ARHGEF17: variants seen among roughly 807,000 people sequenced by gnomAD.
The protein encoded by ARHGEF17 is Rho guanine nucleotide exchange factor 17.
ARHGEF17 carries 80 observed loss-of-function variants against 174.0 expected under a neutral mutation model. The ratio of observed to expected loss-of-function variants is 0.46; its 90% confidence interval spans 0.38 to 0.55. ARHGEF17 has a LOEUF of 0.55. Among genes scored for constraint, ARHGEF17 ranks in the 20% least tolerant of loss-of-function variants. ARHGEF17 has a pLI of 0.00. For synonymous variants in ARHGEF17, 1,311 were observed against 1,189.1 expected, an observed-to-expected ratio of 1.10 and a Z score of -2.11; for missense variants, 2,886 against 2,839.7, an observed-to-expected ratio of 1.02 and a Z score of -0.37.
Position 73,362,427 on chromosome 11 carries a change from T to G in ARHGEF17, c.4695-6T>G. On this transcript the variant is annotated splice_region_variant and splice_polypyrimidine_tract_variant and intron_variant, in intron 13 of 20. Transcript: ENST00000263674. ...CTGCTGTCATCCTCACTCCGTCTTC[T>G]CGCAGGGAGCCTCCTCCGTCGCTGA... 1 of 1,543,906 alleles carries G rather than the reference T, an allele frequency of 6.5e-7. No individual in the cohort carries two copies. The highest frequency in any genetic ancestry group is 1.4e-5 in the African/African-American group (1 of 73,720).
At position 73,364,803 on chromosome 11, in the gene ARHGEF17, C is replaced by T. The variant is rs975241688; in HGVS notation, c.5550+203C>T. Reference sequence around the variant, plus strand: ...GCTGATGAGGAATACAGTAAGTGTCCCATATACATTAGGAATCTTATTCAT... The same window carrying T: ...GCTGATGAGGAATACAGTAAGTGTCTCATATACATTAGGAATCTTATTCAT... On this transcript the variant is annotated intron_variant, in intron 18 of 20. Transcript: ENST00000263674. 5 of 621,106 alleles carry T rather than the reference C, an allele frequency of 8.1e-6. 1 individual carries two copies. Among genetic ancestry groups the T allele is most frequent in the South Asian group, 5.4e-5 (2 of 37,108 alleles). 38.5% of individuals were successfully genotyped at this position (621,106 alleles called of 1,614,324 possible).
At chr11:73,332,349 CCGTGTGTGTG>C (rs1275695000) in intron 1 of ARHGEF17, among the ~76,000 whole-genome samples, 118 of 114,350 alleles carry the variant, frequency 1.0e-3, no homozygotes, top group African/African-American at 3.9e-3. Flanking sequence ...GGCTTTTTCT[CCGTGTGTGTG>C]TGTGTGTGTG....
intron 5 of ARHGEF17, 81 bp from the exon 6 acceptor site, chr11:73,356,094 A>C: frequency 6.3e-7 from 1 of 1,579,498 alleles, no homozygotes; most frequent in African/African-American, 1.3e-5. Flanking sequence ...TTTGGTGTCT[A>C]CCCATAGTCC....
At position 73,365,191 on chromosome 11, in the gene ARHGEF17, T is replaced by TG; in HGVS notation, c.5551-195dup. On this transcript the variant is annotated intron_variant, in intron 18 of 20. Transcript: ENST00000263674. The surrounding 1 kb of genome is among the most constrained non-coding windows in gnomAD (Gnocchi z 4.9). ...TGATCCTTAAATCACTCAAGTTTAA[T>TG]GGGGAAAAAGCACCTCCATTGTAAT... 1.6e-6 allele frequency: 1 copy of TG among 611,116 alleles called. No individual in the cohort carries two copies. Among genetic ancestry groups the TG allele is most frequent in the Non-Finnish European group, 2.9e-6 (1 of 349,972 alleles). The allele number at this position is 611,116 out of a possible 1,614,324, so 37.9% of individuals were successfully genotyped here. A position where few individuals can be genotyped will look rare whatever the true frequency, so the allele number is the denominator to read the frequency against.
At position 73,309,968 on chromosome 11, in the gene ARHGEF17, A is replaced by G; in HGVS notation, c.1330A>G (p.Arg444Gly). 6.2e-7 allele frequency: 1 copy of G among 1,613,938 alleles called. No homozygotes were observed. Among genetic ancestry groups the G allele is most frequent in the Non-Finnish European group, 8.5e-7 (1 of 1,179,990 alleles). ...TGCCAAAGGACCTGGAGGCACCTCT[A>G]GGGCATTGAGGGATGGAGGATTTGA... ...TRAKGPGGTS[R>G]ALRDGGFEPE... Residue 444 changes from arginine to glycine, a missense_variant, in exon 1 of 21, where the codon AGG (arginine) becomes GGG (glycine). By Grantham distance (125) the Arg-to-Gly change is moderately radical. This residue lies in a region of ARHGEF17 where 1,728 missense variants were observed against 1,461.2 expected (regional missense o/e 1.18). Coordinates refer to ENST00000263674, the MANE Select transcript of ARHGEF17 (RefSeq NM_014786.4).
At chr11:73,351,527 T>C (rs11824614) in intron 2 of ARHGEF17, among the ~76,000 whole-genome samples, 48,649 of 151,720 alleles carry the variant, frequency 0.32, 10,653 homozygotes, top group African/African-American at 0.63. Context: ...TCAATAAGAG[T>C]CTCCAGTAAC....
Position 73,309,792 on chromosome 11 carries a change from C to T in ARHGEF17, c.1154C>T (p.Ala385Val), listed in dbSNP as rs919217565. The change falls in exon 1 of 21, where the codon GCA (alanine) becomes GTA (valine). Residue 385 changes from alanine (A) to valine (V), a missense_variant. Physicochemically the swap from Ala to Val is moderately conservative, Grantham distance 64 (BLOSUM62 0). This residue lies in a region of ARHGEF17 where 1,728 missense variants were observed against 1,461.2 expected (regional missense o/e 1.18). Transcript: ENST00000263674. ...VSFPSYLASP[A>V]GSRGSSRYSS... ...TTTCCCTCGTACCTGGCCAGCCCCG[C>T]AGGCTCCCGCGGTAGCAGCCGTTAT... is the stretch of plus-strand genomic sequence containing the variant. The T allele has an allele frequency of 3.1e-6, 5 of 1,613,042 alleles. No individual in the cohort carries two copies. Among genetic ancestry groups the T allele is most frequent in the Non-Finnish European group, 4.2e-6 (5 of 1,179,988 alleles).
In ARHGEF17 at chr11:73,308,838, CCGCCCCCG is replaced by C; in HGVS notation, c.204_211del (p.Pro69AlafsTer75). 2.2e-6 allele frequency: 3 copies of C among 1,339,938 alleles called. No homozygotes were observed. Among genetic ancestry groups the C allele is most frequent in the Non-Finnish European group, 2.9e-6 (3 of 1,052,318 alleles). 83.0% of individuals were successfully genotyped at this position (1,339,938 alleles called of 1,614,324 possible). ...TCCAAGCTGGCGTCTGGGCCCCTGG[CCGCCCCCG>C]CGCAGCCGCGCCCGCTCCGCAGCCT... On this transcript the variant is annotated frameshift_variant, in exon 1 of 21. Transcript: ENST00000263674. LOFTEE classifies it high-confidence loss of function.
intron 3 of ARHGEF17, chr11:73,353,364 G>A: frequency 3.3e-6 from 1 of 307,574 alleles, no homozygotes. Context: ...TGCTGGTACT[G>A]ACCTCCACCC....
At chr11:73,351,951 G>A (rs983779877) in intron 2 of ARHGEF17, among the ~76,000 whole-genome samples, 1 of 152,106 alleles carries the variant, frequency 6.6e-6, no homozygotes, top group African/African-American at 2.4e-5. Context: ...TGGTCTTCGC[G>A]TTTTAATATC....
intron 1 of ARHGEF17, among the ~76,000 whole-genome samples, chr11:73,333,698 A>AC (rs1254484595): frequency 2.0e-5 from 3 of 152,114 alleles, no homozygotes; most frequent in Admixed American, 1.3e-4. Context: ...GGGTCCTGGA[A>AC]CAGGGTGGGA....
chr11:73,341,265 T>G (rs1865363412), intron 1 of ARHGEF17, among the ~76,000 whole-genome samples: 1 of 152,186 alleles, frequency 6.6e-6, no homozygotes, highest in African/African-American at 2.4e-5. Context: ...AGGGCTTCCC[T>G]AAGGAGGTGA....
At chr11:73,362,788 C>T in intron 14 of ARHGEF17, 54 bp downstream of exon 14, 1 of 1,557,900 alleles carries the variant, frequency 6.4e-7, no homozygotes, top group Non-Finnish European at 8.7e-7. Flanking sequence ...GTGGACTGCC[C>T]AGAGGAGGGG....
chr11:73,344,380 G>A (rs542382018), intron 1 of ARHGEF17, among the ~76,000 whole-genome samples: 9 of 152,318 alleles, frequency 5.9e-5, no homozygotes, highest in East Asian at 1.9e-4. Context: ...GTGCTCTGCC[G>A]CAGGGAGGAG....
At chr11:73,356,675 G>T (rs775448421) in intron 6 of ARHGEF17, 34 bp from the exon 7 acceptor site, 5 of 1,613,378 alleles carry the variant, frequency 3.1e-6, no homozygotes, top group Non-Finnish European at 4.2e-6. Flanking sequence ...TTAATAACTG[G>T]CCTTCGAGAT....
intron 18 of ARHGEF17, chr11:73,364,958 A>G (rs749775227): frequency 3.5e-4 from 104 of 300,784 alleles, no homozygotes; most frequent in Non-Finnish European, 5.4e-4. Context: ...ACTTGCACAC[A>G]TGTCAGAAGT....
At chr11:73,333,222 G>A (rs1865237362) in intron 1 of ARHGEF17, among the ~76,000 whole-genome samples, 1 of 152,228 alleles carries the variant, frequency 6.6e-6, no homozygotes, top group Admixed American at 6.5e-5. Flanking sequence ...TAGAAGTTCA[G>A]AGGAGGGGAG....
chr11:73,319,518 A>G (rs1864981729), intron 1 of ARHGEF17, among the ~76,000 whole-genome samples: 1 of 152,178 alleles, frequency 6.6e-6, no homozygotes, highest in Admixed American at 6.5e-5. Context: ...GATTAGCATG[A>G]GGATGTAATG....
chr11:73,351,399 G>A (rs895803815), intron 2 of ARHGEF17, among the ~76,000 whole-genome samples: 1 of 152,140 alleles, frequency 6.6e-6, no homozygotes, highest in African/African-American at 2.4e-5. Context: ...CGGCCCCTGA[G>A]CTGGGCTATT....
Sources: allele counts gnomAD v4.1 joint callset (sites outside exome capture counted in the v4.1 genomes callset), GRCh38; gene constraint gnomAD v4.1.1; regional missense constraint gnomAD v4.1.1; non-coding constraint Gnocchi (gnomAD v3.1); transcripts MANE v1.5; gene names NCBI Gene and HGNC (gene_info 2026-07-23, HGNC 2026-07-21).